ZSWIM5: variants seen among roughly 807,000 people sequenced by gnomAD.
ZSWIM5 encodes zinc finger SWIM domain-containing protein 5.
Under a neutral mutation model 119.6 loss-of-function variants are expected in ZSWIM5, and 55 were observed. That is an observed-to-expected ratio of 0.46 (90% CI 0.37 to 0.58). The LOEUF is 0.58. Among genes scored for constraint, ZSWIM5 ranks in the 20% least tolerant of loss-of-function variants. The probability of loss-of-function intolerance (pLI) is 0.00; values close to 1 mark genes in which losing one functional copy is unlikely to be tolerated. For synonymous variants in ZSWIM5, 537 were observed against 606.9 expected (o/e 0.88, Z 1.69); for missense variants, 1,193 against 1,512.8 (o/e 0.79, Z 3.51).
At chr1:45,089,980 G>A (rs1352236562) in intron 1 of ZSWIM5, among the ~76,000 whole-genome samples, 3 of 152,150 alleles carry the variant, frequency 2.0e-5, no homozygotes, top group Admixed American at 1.3e-4. Context: ...CTGTGAACAG[G>A]AAAGCTATTT....
chr1:45,122,422 A>G (rs888522563), intron 1 of ZSWIM5, among the ~76,000 whole-genome samples: 1 of 152,244 alleles, frequency 6.6e-6, no homozygotes, highest in Non-Finnish European at 1.5e-5. Flanking sequence ...AACAGCCATT[A>G]GTAACTTCTT....
intron 11 of ZSWIM5, among the ~76,000 whole-genome samples, chr1:45,021,193 G>T (rs780576249): frequency 6.6e-5 from 10 of 152,046 alleles, no homozygotes; most frequent in Non-Finnish European, 1.0e-4. Context: ...CCGCCACCAC[G>T]CCCGGTTAAT....
At chr1:45,121,602 C>CT (rs199811301) in intron 1 of ZSWIM5, among the ~76,000 whole-genome samples, 2,191 of 136,426 alleles carry the variant, frequency 0.016, 39 homozygotes, top group African/African-American at 0.044. Context: ...TTTTCTTCTT[C>CT]TTTTTTTTTT....
Position 45,206,331 on chromosome 1 carries a change from C to T in ZSWIM5, c.20G>A (p.Arg7Gln), listed in dbSNP as rs1210864658. The T allele has an allele frequency of 1.3e-6, 2 of 1,491,942 alleles. No individual in the cohort carries two copies. Among genetic ancestry groups the T allele is most frequent in the Admixed American group, 2.2e-5 (1 of 45,666 alleles). The allele number at this position is 1,491,942 out of a possible 1,614,324, so 92.4% of individuals were successfully genotyped here. A position where few individuals can be genotyped will look rare whatever the true frequency, so the allele number is the denominator to read the frequency against. Reference sequence around the variant, plus strand: ...CGGTGACGGCGAGAGCAGCTCCTCTCGCTCACCTCCGTCCGCCATTGCTGG... The same window carrying T: ...CGGTGACGGCGAGAGCAGCTCCTCTTGCTCACCTCCGTCCGCCATTGCTGG... The part of the protein sequence containing the change: MADGGE[R>Q]EELLSPSPVS... Residue 7 changes from arginine to glutamine, a missense_variant, in exon 1 of 14, where the codon CGA (arginine) becomes CAA (glutamine). Transcript: ENST00000359600.
intron 1 of ZSWIM5, among the ~76,000 whole-genome samples, chr1:45,139,732 T>A (rs947874078): frequency 2.3e-5 from 3 of 130,546 alleles, no homozygotes; most frequent in Non-Finnish European, 4.8e-5. Flanking sequence ...AGAGACAGGG[T>A]CTTGCTTTGT....
chr1:45,189,622 G>A (rs1291087345), intron 1 of ZSWIM5, among the ~76,000 whole-genome samples: 2 of 151,652 alleles, frequency 1.3e-5, no homozygotes, highest in Non-Finnish European at 2.9e-5. Context: ...CAGGCATGGC[G>A]GCGTGCACCT....
At chr1:45,089,021 G>A (rs976581054) in intron 1 of ZSWIM5, among the ~76,000 whole-genome samples, 3 of 152,136 alleles carry the variant, frequency 2.0e-5, no homozygotes, top group African/African-American at 7.2e-5. Flanking sequence ...GTGCAGTGGT[G>A]CAATCTTGGC....
chr1:45,035,936 A>C lies in ZSWIM5; in HGVS notation c.2155+103T>G, dbSNP rs918293975. 16 of 1,570,728 alleles carry C rather than the reference A, an allele frequency of 1.0e-5. No homozygotes were observed. In the African/African-American group the frequency reaches 2.2e-4, roughly 21 times the overall value. On this transcript the variant is annotated intron_variant, in intron 9 of 13. Coordinates refer to ENST00000359600, the MANE Select transcript of ZSWIM5 (RefSeq NM_020883.2). ...CTAATCATGGGAACCTTCATTCACT[A>C]CATTTTAATGTCATAAATGTTCCTG... is the stretch of plus-strand genomic sequence containing the variant.
chr1:45,178,207 C>T (rs1269828526), intron 1 of ZSWIM5, among the ~76,000 whole-genome samples: 1 of 151,932 alleles, frequency 6.6e-6, no homozygotes, highest in African/African-American at 2.4e-5. Flanking sequence ...AAGCGGATCA[C>T]CTGAGGTCAG....
At chr1:45,187,982 A>C (rs569701533) in intron 1 of ZSWIM5, among the ~76,000 whole-genome samples, 2 of 152,362 alleles carry the variant, frequency 1.3e-5, no homozygotes, top group South Asian at 4.1e-4. Flanking sequence ...AGAAATCAGA[A>C]CACTCATACA....
intron 2 of ZSWIM5, among the ~76,000 whole-genome samples, chr1:45,067,437 C>A (rs1442282294): frequency 2.5e-5 from 1 of 40,406 alleles, no homozygotes; most frequent in African/African-American, 1.1e-4. Context: ...AAGACCCTGC[C>A]TCAAAAAAAA....
chr1:45,160,625 C>T (rs558356294), intron 1 of ZSWIM5, among the ~76,000 whole-genome samples: 8 of 151,158 alleles, frequency 5.3e-5, no homozygotes, highest in Non-Finnish European at 8.8e-5. Flanking sequence ...TTCTTATGGC[C>T]GAATAGTATT....
At chr1:45,105,754 C>A (rs1645469533) in intron 1 of ZSWIM5, among the ~76,000 whole-genome samples, 1 of 146,476 alleles carries the variant, frequency 6.8e-6, no homozygotes, top group Non-Finnish European at 1.5e-5. Flanking sequence ...CGCCGCCACC[C>A]CATCTAGGAA....
Position 45,062,437 on chromosome 1 carries a change from T to A in ZSWIM5, c.953-2190A>T, listed in dbSNP as rs574892640. ...TTCCACAAATACAAATTAACACATA[T>A]GATCTGCCACTTTATTGTATCTATT... is the stretch of plus-strand genomic sequence containing the variant. On this transcript the variant is annotated intron_variant, in intron 2 of 13. Coordinates refer to ENST00000359600, the MANE Select transcript of ZSWIM5 (RefSeq NM_020883.2). Among the ~76,000 whole-genome samples, 9 of 152,340 alleles carry A rather than the reference T, an allele frequency of 5.9e-5. No individual in the cohort carries two copies. In the South Asian group the frequency reaches 1.7e-3, roughly 28 times the overall value.
intron 1 of ZSWIM5, among the ~76,000 whole-genome samples, chr1:45,193,951 T>C (rs1570207181): frequency 6.6e-6 from 1 of 151,910 alleles, no homozygotes; most frequent in East Asian, 1.9e-4. Context: ...TATATATATA[T>C]ATATACATAC....
At chr1:45,021,051 T>C (rs1273848317) in intron 11 of ZSWIM5, among the ~76,000 whole-genome samples, 4 of 151,972 alleles carry the variant, frequency 2.6e-5, no homozygotes, top group African/African-American at 9.7e-5. Context: ...CTTTTTTTTT[T>C]TGGAGACGGA....
Position 45,036,142 on chromosome 1 carries a change from C to T in ZSWIM5, c.2052G>A (p.Lys684=), listed in dbSNP as rs375562117. The T allele has an allele frequency of 1.7e-5, 28 of 1,614,132 alleles. No individual in the cohort carries two copies. In the African/African-American group the frequency reaches 3.5e-4, roughly 20 times the overall value. Residue 684 remains lysine (K), a synonymous_variant, in exon 9 of 14, where the codon AAG becomes AAA. Transcript: ENST00000359600. ...GGAGCTGCTCCTCATTACGGCATAC[C>T]TTGTCCTGTGCGTAGAGGCCTTCAG... The part of the protein sequence containing the change: ...LMPEGLYAQD[K]VCRNEEQLLS...
chr1:45,065,284 A>C (rs987560040), intron 2 of ZSWIM5, among the ~76,000 whole-genome samples: 1 of 152,214 alleles, frequency 6.6e-6, no homozygotes, highest in Admixed American at 6.5e-5. Context: ...AGCAGAGGGC[A>C]GAGATGGTTT....
intron 2 of ZSWIM5, among the ~76,000 whole-genome samples, chr1:45,068,105 TTC>T (rs1451613880): frequency 0.019 from 1,084 of 56,256 alleles, 12 homozygotes; most frequent in Middle Eastern, 0.043. Flanking sequence ...TTTTTTTTTT[TTC>T]TTTTTTTTTT....
Sources: gnomAD v4.1 joint callset for allele counts (sites outside exome capture counted in the v4.1 genomes callset) on GRCh38, gnomAD v4.1.1 for gene constraint, MANE v1.5 for transcripts, NCBI Gene and HGNC (gene_info 2026-07-23, HGNC 2026-07-21) for gene names.